RICTOR: variants seen among roughly 807,000 people sequenced by gnomAD.
RICTOR encodes the protein RPTOR independent companion of MTOR complex 2, also known as rapamycin-insensitive companion of mTOR.
Under a neutral mutation model 214.9 loss-of-function variants are expected in RICTOR, and 49 were observed. The ratio of observed to expected loss-of-function variants is 0.23; its 90% CI spans 0.18 to 0.29. The LOEUF (loss-of-function observed/expected upper bound fraction) is 0.29, where lower values mean the gene tolerates loss of function less well. RICTOR is among the 10% of genes least tolerant of loss of function. RICTOR has a pLI of 1.00. For synonymous variants in RICTOR, 717 were observed against 711.3 expected, an observed-to-expected ratio of 1.01 and a Z score of -0.13; for missense variants, 1,625 against 2,047.0, an observed-to-expected ratio of 0.79 and a Z score of 3.98.
At chr5:39,070,406 T>C (rs892353517) in intron 2 of RICTOR, among the ~76,000 whole-genome samples, 7 of 152,068 alleles carry the variant, frequency 4.6e-5, no homozygotes, top group African/African-American at 1.7e-4. Flanking sequence ...GAAGCGGAGC[T>C]TGCAGTGAGC....
At chr5:38,964,188 T>G (rs1290315484) in intron 16 of RICTOR, among the ~76,000 whole-genome samples, 2 of 151,832 alleles carry the variant, frequency 1.3e-5, no homozygotes, top group Non-Finnish European at 3.0e-5. Context: ...CTTTGCCAAG[T>G]CAAACTAAGT....
Position 38,954,868 on chromosome 5 carries a change from TA to T in RICTOR, c.2610-8del. The T allele has an allele frequency of 6.9e-7, 1 of 1,446,614 alleles. No homozygotes were observed. Among genetic ancestry groups the T allele is most frequent in the Non-Finnish European group, 9.7e-7 (1 of 1,033,232 alleles). 89.6% of individuals were successfully genotyped at this position (1,446,614 alleles called of 1,614,324 possible). On this transcript the variant is annotated splice_polypyrimidine_tract_variant and splice_region_variant and intron_variant, in intron 26 of 37. Transcript: ENST00000357387. ...GACGTGAGGACGCTGTAATCTAGTA[TA>T]ATAAAGATGATTACTATATCTCTTG...
At position 38,960,427 on chromosome 5, in the gene RICTOR, A is replaced by G. The variant is rs1432105169; in HGVS notation, c.1822T>C (p.Phe608Leu). Reference sequence around the variant, plus strand: ...TCAGATTCAAGAAGAAATTCTGTAAACTGGCAACCTACAACCGTGAGCTGT... The same window carrying G: ...TCAGATTCAAGAAGAAATTCTGTAAGCTGGCAACCTACAACCGTGAGCTGT... ...AKQLTVVGCQFTEFLLESEED... is the reference protein window; with the variant it reads ...AKQLTVVGCQLTEFLLESEED... The change falls in exon 20 of 38, where the codon TTT (phenylalanine) becomes CTT (leucine). Residue 608 changes from phenylalanine (F) to leucine (L), a missense_variant. Around this residue, in one of 5 missense-constraint regions of RICTOR, gnomAD observed 1,214 missense variants for 1,470.5 expected, o/e 0.83. Transcript: ENST00000357387. 1 of 1,613,708 alleles carries G rather than the reference A, an allele frequency of 6.2e-7. No individual in the cohort carries two copies. The highest frequency in any genetic ancestry group is 1.7e-5 in the Admixed American group (1 of 59,962).
At chr5:38,951,599 T>C (rs1486768464) in intron 30 of RICTOR, among the ~76,000 whole-genome samples, 1 of 152,012 alleles carries the variant, frequency 6.6e-6, no homozygotes, top group Non-Finnish European at 1.5e-5. Flanking sequence ...TCATGGCATC[T>C]CAGATTTGGT....
intron 2 of RICTOR, among the ~76,000 whole-genome samples, chr5:39,056,182 A>G (rs915067215): frequency 6.6e-6 from 1 of 152,212 alleles, no homozygotes; most frequent in African/African-American, 2.4e-5. Flanking sequence ...CATTCAGTCA[A>G]CAAATATTTA....
In RICTOR at chr5:38,958,698, A is replaced by C. The variant is rs1206191141; in HGVS notation, c.2312T>G (p.Leu771Arg). The change falls in exon 23 of 38, where the codon CTT becomes CGT. Residue 771 changes from leucine to arginine, a missense_variant. Around this residue, in one of 5 missense-constraint regions of RICTOR, gnomAD observed 1,214 missense variants for 1,470.5 expected, o/e 0.83. Coordinates refer to ENST00000357387, the MANE Select transcript of RICTOR (RefSeq NM_152756.5). The part of the protein sequence containing the change: ...DKNKTISSEA[L>R]DILDEACEDK... Reference sequence around the variant, plus strand: ...TTCACATGCTTCATCGAGGATATCAAGAGCTTCAGAGGAAATCGTTTTGTT... The same window carrying C: ...TTCACATGCTTCATCGAGGATATCACGAGCTTCAGAGGAAATCGTTTTGTT... The C allele has an allele frequency of 1.2e-6, 2 of 1,609,798 alleles. No homozygotes were observed. Among genetic ancestry groups the C allele is most frequent in the Admixed American group, 3.4e-5 (2 of 59,326 alleles).
intron 2 of RICTOR, among the ~76,000 whole-genome samples, chr5:39,056,824 A>G (rs1758238468): frequency 6.6e-6 from 1 of 152,184 alleles, no homozygotes; most frequent in South Asian, 2.1e-4. Flanking sequence ...TGATAAAAGT[A>G]CAAATTTGGG....
At chr5:38,976,805 C>T (rs1484818879) in intron 9 of RICTOR, among the ~76,000 whole-genome samples, 4 of 152,094 alleles carry the variant, frequency 2.6e-5, no homozygotes, top group Non-Finnish European at 5.9e-5. Flanking sequence ...GATGGAATAG[C>T]CCCACCCTCC....
At chr5:38,985,166 T>C (rs1270727926) in intron 7 of RICTOR, among the ~76,000 whole-genome samples, 5 of 152,134 alleles carry the variant, frequency 3.3e-5, no homozygotes, top group Admixed American at 3.3e-4. Flanking sequence ...TCACTCTGTA[T>C]CCACAGGGAA....
intron 2 of RICTOR, among the ~76,000 whole-genome samples, chr5:39,041,207 G>C (rs1258586440): frequency 6.6e-6 from 1 of 152,110 alleles, no homozygotes; most frequent in Non-Finnish European, 1.5e-5. Flanking sequence ...ACATCTTGTA[G>C]GCATATAAAA....
In RICTOR at chr5:39,074,151, A is replaced by T; in HGVS notation, c.57T>A (p.Asn19Lys). 1 of 1,586,948 alleles carries T rather than the reference A, an allele frequency of 6.3e-7. No homozygotes were observed. Among genetic ancestry groups the T allele is most frequent in the Non-Finnish European group, 8.6e-7 (1 of 1,168,524 alleles). ...SLKNLRVRGR[N>K]DSGEENVPLD... The stretch of plus-strand genomic sequence containing the variant: ...GCGGGACGTTCTCCTCGCCGCTGTC[A>T]TTCCGCCCTGCGCGAAACAGACACA... The change falls in exon 2 of 38, where the codon AAT becomes AAA. Residue 19 changes from asparagine to lysine, a missense_variant. Physicochemically the swap from Asn to Lys is moderately conservative, Grantham distance 94. Transcript: ENST00000357387.
chr5:39,046,423 T>A (rs1757506066), intron 2 of RICTOR, among the ~76,000 whole-genome samples: 1 of 144,264 alleles, frequency 6.9e-6, no homozygotes, highest in African/African-American at 2.6e-5. Flanking sequence ...CATTGTTTTC[T>A]ATCTTTGAAA....
intron 11 of RICTOR, 150 bp downstream of exon 11, chr5:38,971,727 A>T (rs961332849): frequency 7.2e-6 from 4 of 554,414 alleles, no homozygotes; most frequent in Non-Finnish European, 1.3e-5. Context: ...GGTTTAACTA[A>T]GTAGTAAATA....
chr5:39,064,433 G>T (rs1258260390), intron 2 of RICTOR, among the ~76,000 whole-genome samples: 2 of 152,130 alleles, frequency 1.3e-5, no homozygotes, highest in African/African-American at 4.8e-5. Context: ...TTGTGGGAGA[G>T]AAAAGAACAT....
chr5:39,028,088 A>T (rs1175326823), intron 2 of RICTOR, among the ~76,000 whole-genome samples: 1 of 152,016 alleles, frequency 6.6e-6, no homozygotes, highest in Non-Finnish European at 1.5e-5. Flanking sequence ...AAAACCACAG[A>T]AGTACCATTA....
intron 7 of RICTOR, 146 bp downstream of exon 7, chr5:38,990,803 T>TATGATATATGAG (rs764342244): frequency 8.0e-6 from 1 of 125,696 alleles, no homozygotes; most frequent in African/African-American, 5.5e-5. Flanking sequence ...ATATATGATA[T>TATGATATATGAG]ATATGAGATA....
chr5:38,999,401 G>T (rs1753443891), intron 5 of RICTOR, among the ~76,000 whole-genome samples: 1 of 151,946 alleles, frequency 6.6e-6, no homozygotes, highest in Admixed American at 6.6e-5. Flanking sequence ...AAGAAATCTA[G>T]AAGACAACAA....
intron 5 of RICTOR, among the ~76,000 whole-genome samples, chr5:38,997,178 A>C (rs570773854): frequency 6.6e-6 from 1 of 152,336 alleles, no homozygotes; most frequent in East Asian, 1.9e-4. Context: ...AAGTGTAAAA[A>C]GTCTACTAAA....
At chr5:39,008,734 G>T (rs1754264265) in intron 3 of RICTOR, among the ~76,000 whole-genome samples, 1 of 151,088 alleles carries the variant, frequency 6.6e-6, no homozygotes, top group African/African-American at 2.4e-5. Flanking sequence ...AAAAAAAACT[G>T]CCCATTTCAA....
Sources: allele counts gnomAD v4.1 joint callset (sites outside exome capture counted in the v4.1 genomes callset), GRCh38; gene constraint gnomAD v4.1.1; regional missense constraint gnomAD v4.1.1; transcripts MANE v1.5; gene names NCBI Gene and HGNC (gene_info 2026-07-23, HGNC 2026-07-21).